TRA2B: variants seen among roughly 807,000 people sequenced by gnomAD.
The protein encoded by TRA2B is transformer 2 beta homolog, also known as transformer-2 protein homolog beta.
TRA2B carries 14 observed loss-of-function variants against 41.7 expected under a neutral mutation model. The ratio of observed to expected loss-of-function variants is 0.34; its 90% CI spans 0.22 to 0.53. The LOEUF is 0.53. TRA2B is among the 20% of genes least tolerant of loss of function. The pLI is 0.95. For synonymous variants in TRA2B, 130 were observed against 128.8 expected, an observed-to-expected ratio of 1.01 and a Z score of -0.06; for missense variants, 167 against 396.8, an observed-to-expected ratio of 0.42 and a Z score of 4.92.
chr3:185,927,092 A>G (rs1743979926), intron 1 of TRA2B: 1 of 161,750 alleles, frequency 6.2e-6, no homozygotes, highest in African/African-American at 2.4e-5. Context: ...TATGACACCT[A>G]TACTTTATAC....
At chr3:185,925,267 G>T in intron 3 of TRA2B, 197 bp downstream of exon 3, 18 of 530,382 alleles carry the variant, frequency 3.4e-5, no homozygotes, top group Non-Finnish European at 4.2e-5. Context: ...TCAGTATTAT[G>T]CTTAATTGAC....
At chr3:185,924,513 G>C (rs944223721) in intron 3 of TRA2B, 4 of 152,570 alleles carry the variant, frequency 2.6e-5, no homozygotes, top group African/African-American at 9.6e-5. Flanking sequence ...GCTTGCAATC[G>C]TAAGAAACAA....
chr3:185,915,937 A>T lies in TRA2B; in HGVS notation c.*1778T>A, dbSNP rs1251700542. On this transcript the variant is annotated 3_prime_UTR_variant, in exon 9 of 9. Transcript: ENST00000453386. ...TTCTCAGCCTTTAATGTATCCATCC[A>T]TAACACAACCCCCTCTGGGACCACA... 1 of 152,208 alleles carries T rather than the reference A, an allele frequency of 6.6e-6. No individual in the cohort carries two copies. The highest frequency in any genetic ancestry group is 1.5e-5 in the Non-Finnish European group (1 of 68,028). 9.4% of individuals were successfully genotyped at this position (152,208 alleles called of 1,614,324 possible).
intron 1 of TRA2B, chr3:185,935,730 C>T (rs757454106): frequency 1.0e-6 from 1 of 985,398 alleles, no homozygotes. Context: ...TTATGGTTTT[C>T]CCAAGCTTGC....
chr3:185,920,319 T>G (rs922570717), intron 6 of TRA2B, among the ~76,000 whole-genome samples: 1 of 152,208 alleles, frequency 6.6e-6, no homozygotes, highest in African/African-American at 2.4e-5. Flanking sequence ...TATAAGCCAT[T>G]ATAAATTTGC....
At position 185,915,253 on chromosome 3, in the gene TRA2B, G is replaced by C. The variant is rs1182963041; in HGVS notation, c.*2462C>G. ...TCCTGAGAAGTTTCACAAAAGCCTA[G>C]TATAAAACTATTTAACTTAGCAATC... On this transcript the variant is annotated 3_prime_UTR_variant, in exon 9 of 9. Transcript: ENST00000453386. Among the ~76,000 whole-genome samples the C allele has an allele frequency of 2.0e-5, 3 of 152,278 alleles. No individual in the cohort carries two copies. In the East Asian group the frequency reaches 5.8e-4, roughly 29 times the overall value.
chr3:185,935,687 G>T (rs894662607), intron 1 of TRA2B: 1 of 985,426 alleles, frequency 1.0e-6, no homozygotes. Context: ...TTACACCACA[G>T]GCATGTCTAA....
chr3:185,917,865 CT>C, intron 8 of TRA2B, 140 bp from the exon 9 acceptor site: 1 of 760,636 alleles, frequency 1.3e-6, no homozygotes, highest in Non-Finnish European at 2.2e-6. Context: ...TAGAGAAAGA[CT>C]TCCATGTAAG....
chr3:185,925,823 C>T (rs1274312656), intron 2 of TRA2B, among the ~76,000 whole-genome samples, 197 bp from the exon 3 acceptor site: 2 of 152,228 alleles, frequency 1.3e-5, no homozygotes, highest in Admixed American at 6.5e-5. Flanking sequence ...CTAAAAACCA[C>T]AAGCTCTCCT....
At chr3:185,937,690 C>G (rs556684647) in intron 1 of TRA2B, 135 bp downstream of exon 1, 1 of 1,275,586 alleles carries the variant, frequency 7.8e-7, no homozygotes, top group Admixed American at 2.0e-5. Context: ...TAAATGCTGT[C>G]TCCCTTGCCT....
At chr3:185,935,942 C>G (rs961073187) in intron 1 of TRA2B, 48 of 985,260 alleles carry the variant, frequency 4.9e-5, no homozygotes, top group Non-Finnish European at 5.4e-5. Context: ...CCTCCCTCTA[C>G]AATTCAAAGA....
At chr3:185,928,694 C>T (rs1055760324) in intron 1 of TRA2B, 1 of 152,274 alleles carries the variant, frequency 6.6e-6, no homozygotes, top group African/African-American at 2.4e-5. Context: ...GAAAGATTAC[C>T]TCTATGGAAA....
intron 1 of TRA2B, chr3:185,936,889 A>T: frequency 1.0e-6 from 1 of 985,360 alleles, no homozygotes; most frequent in Non-Finnish European, 1.2e-6. Flanking sequence ...CCCGCAATTC[A>T]ATCAACCCTC....
intron 1 of TRA2B, among the ~76,000 whole-genome samples, chr3:185,930,664 T>C (rs1051031554): frequency 6.6e-6 from 1 of 152,184 alleles, no homozygotes; most frequent in Non-Finnish European, 1.5e-5. Context: ...CACCAATCAC[T>C]TGACCCTTCT....
intron 1 of TRA2B, chr3:185,936,849 A>C (rs1033255426): frequency 2.8e-5 from 28 of 985,258 alleles, no homozygotes; most frequent in Admixed American, 6.1e-5. Context: ...CCAGCTACGT[A>C]TGCTGTTTAA....
chr3:185,918,609 G>C (rs1029071698), intron 7 of TRA2B, among the ~76,000 whole-genome samples, 171 bp from the exon 8 acceptor site: 3 of 152,210 alleles, frequency 2.0e-5, no homozygotes, highest in Non-Finnish European at 4.4e-5. Flanking sequence ...TCAGGCCCAA[G>C]TGTCAAATAA....
At chr3:185,936,982 T>G (rs896309199) in intron 1 of TRA2B, 1 of 985,184 alleles carries the variant, frequency 1.0e-6, no homozygotes, top group Admixed American at 6.2e-5. Flanking sequence ...TTAGAACGCC[T>G]CAAAACAAAG....
At chr3:185,932,112 T>C (rs2150118372) in intron 1 of TRA2B, among the ~76,000 whole-genome samples, 1 of 152,356 alleles carries the variant, frequency 6.6e-6, no homozygotes, top group East Asian at 1.9e-4. Context: ...GAACATTTAC[T>C]GTTCATTTAA....
chr3:185,928,625 G>GT (rs1744041635), intron 1 of TRA2B: 1 of 152,170 alleles, frequency 6.6e-6, no homozygotes, highest in South Asian at 2.1e-4. Flanking sequence ...ATTAACATAG[G>GT]TGAGAATATA....
Sources: allele counts gnomAD v4.1 joint callset (sites outside exome capture counted in the v4.1 genomes callset), GRCh38; gene constraint gnomAD v4.1.1; transcripts MANE v1.5; gene names NCBI Gene and HGNC (gene_info 2026-07-23, HGNC 2026-07-21).